ELOC: variants seen among roughly 807,000 people sequenced by gnomAD.
ELOC encodes elongin-C.
For missense variants in ELOC, 38 were observed against 139.0 expected (o/e 0.27, Z 3.65); for synonymous variants, 40 against 51.3 (o/e 0.78, Z 0.94).
chr8:73,961,330 A>G (rs1005355730), intron 1 of ELOC, among the ~76,000 whole-genome samples: 18 of 152,362 alleles, frequency 1.2e-4, no homozygotes, highest in African/African-American at 4.1e-4. Context: ...AAAATGAACC[A>G]TAACACTTCA....
intron 1 of ELOC, chr8:73,971,821 C>T (rs1287943821): frequency 1.3e-5 from 2 of 152,394 alleles, no homozygotes; most frequent in African/African-American, 4.8e-5. Flanking sequence ...CCGGAGAAGG[C>T]CCAGTCTCGC....
At chr8:73,956,482 G>C (rs2131116786) in intron 2 of ELOC, among the ~76,000 whole-genome samples, 1 of 152,278 alleles carries the variant, frequency 6.6e-6, no homozygotes, top group African/African-American at 2.4e-5. Context: ...TATTATAATA[G>C]TCACCAAGAC....
intron 3 of ELOC, among the ~76,000 whole-genome samples, chr8:73,947,919 C>T (rs1363175830): frequency 1.3e-5 from 2 of 151,958 alleles, no homozygotes; most frequent in African/African-American, 2.4e-5. Flanking sequence ...GAGGGCCGGG[C>T]GGGGTGGCTC....
chr8:73,955,218 C>G (rs746193360), intron 3 of ELOC, among the ~76,000 whole-genome samples: 4 of 152,128 alleles, frequency 2.6e-5, no homozygotes, highest in Non-Finnish European at 5.9e-5. Context: ...CCTGTAATCC[C>G]CGCACTTTGC....
At chr8:73,967,335 T>C (rs995569697) in intron 1 of ELOC, among the ~76,000 whole-genome samples, 1 of 152,130 alleles carries the variant, frequency 6.6e-6, no homozygotes, top group Non-Finnish European at 1.5e-5. Flanking sequence ...AAGGTCTCTG[T>C]TACAACTACT....
chr8:73,965,037 A>AT (rs1489072002), intron 1 of ELOC, among the ~76,000 whole-genome samples: 1 of 39,734 alleles, frequency 2.5e-5, no homozygotes. Context: ...AAAACAAACC[A>AT]AAAAAAAAAA....
chr8:73,967,288 G>A (rs765016917), intron 1 of ELOC, among the ~76,000 whole-genome samples: 65 of 152,034 alleles, frequency 4.3e-4, no homozygotes, highest in Non-Finnish European at 8.5e-4. Flanking sequence ...ACACACTAAA[G>A]GGCCAAAAAA....
At chr8:73,965,230 A>G (rs567341563) in intron 1 of ELOC, among the ~76,000 whole-genome samples, 7 of 152,328 alleles carry the variant, frequency 4.6e-5, no homozygotes, top group African/African-American at 1.4e-4. Flanking sequence ...TGAACACATT[A>G]AAAAGTGCTC....
chr8:73,948,497 G>A (rs1476345931), intron 3 of ELOC, among the ~76,000 whole-genome samples: 2 of 152,166 alleles, frequency 1.3e-5, no homozygotes, highest in African/African-American at 4.8e-5. Flanking sequence ...CTGAATCCAG[G>A]AGGTGGAAGT....
chr8:73,957,786 ATTTATT>A (rs1414935052), intron 2 of ELOC, among the ~76,000 whole-genome samples: 1 of 152,020 alleles, frequency 6.6e-6, no homozygotes, highest in Non-Finnish European at 1.5e-5. Context: ...CTATTTGTTT[ATTTATT>A]TTTATTTTTT....
At chr8:73,959,274 T>C (rs763089293) in intron 2 of ELOC, among the ~76,000 whole-genome samples, 4 of 152,274 alleles carry the variant, frequency 2.6e-5, no homozygotes, top group Admixed American at 1.3e-4. Flanking sequence ...CGTGCAATCA[T>C]AGCTTATTTC....
intron 1 of ELOC, among the ~76,000 whole-genome samples, chr8:73,961,964 T>C: frequency 6.6e-6 from 1 of 152,120 alleles, no homozygotes. Context: ...GGCGTGATCT[T>C]GGCTCACTGC....
chr8:73,962,296 A>C (rs1194701049), intron 1 of ELOC, among the ~76,000 whole-genome samples: 2 of 152,238 alleles, frequency 1.3e-5, no homozygotes, highest in African/African-American at 2.4e-5. Flanking sequence ...TCTACAGCTT[A>C]AGTGGCAGCG....
chr8:73,965,681 C>T (rs759173341), intron 1 of ELOC, among the ~76,000 whole-genome samples: 16 of 152,138 alleles, frequency 1.1e-4, no homozygotes, highest in Admixed American at 2.6e-4. Context: ...TAGCATTTCA[C>T]TGTATGTAGG....
intron 3 of ELOC, among the ~76,000 whole-genome samples, chr8:73,950,255 G>A (rs541547958): frequency 3.5e-4 from 53 of 152,198 alleles, no homozygotes; most frequent in African/African-American, 9.6e-4. Context: ...TAAAAATGAA[G>A]CAAATGGAAC....
rs937411411 is a variant in ELOC at position 73,966,645 on chromosome 8, T to C, written c.-51+5432A>G. On this transcript the variant is annotated intron_variant, in intron 1 of 3. Transcript: ENST00000520242. ...TACCAAGCCCGGCTAAAATTTCTTTTTTTTTTTTTTTTAAGTGGAGGTCTC... is the reference window on the plus strand; with the variant it reads ...TACCAAGCCCGGCTAAAATTTCTTTCTTTTTTTTTTTTAAGTGGAGGTCTC... Among the ~76,000 whole-genome samples, 12 of 151,192 alleles carry C rather than the reference T, an allele frequency of 7.9e-5. 1 individual carries two copies. Among genetic ancestry groups the C allele is most frequent in the African/African-American group, 2.4e-4 (10 of 41,324 alleles).
chr8:73,953,452 G>A (rs1374263424), intron 3 of ELOC, among the ~76,000 whole-genome samples: 6 of 152,028 alleles, frequency 3.9e-5, no homozygotes, highest in South Asian at 4.1e-4. Context: ...TGAGGCGGGC[G>A]GGTCACCTGA....
chr8:73,970,878 A>C (rs940631712), intron 1 of ELOC, among the ~76,000 whole-genome samples: 1 of 148,526 alleles, frequency 6.7e-6, no homozygotes. Context: ...ACAAAAAAAA[A>C]ACAAAATTAG....
rs910386579 is a variant in ELOC, at chr8:73,972,127, C to T, written c.-101G>A. 1.3e-5 allele frequency: 2 copies of T among 152,600 alleles called. No individual in the cohort carries two copies. The highest frequency in any genetic ancestry group is 2.4e-5 in the African/African-American group (1 of 41,478). 9.5% of individuals were successfully genotyped at this position (152,600 alleles called of 1,614,324 possible). A position where few individuals can be genotyped will look rare whatever the true frequency, so the allele number is the denominator to read the frequency against. On this transcript the variant is annotated 5_prime_UTR_variant, in exon 1 of 4. Coordinates refer to ENST00000520242, the MANE Select transcript of ELOC (RefSeq NM_005648.4). ...CGGGTCCCCGCGTACTGCCACAGCC[C>T]CTATCCCAGGGCCGCCCCCCCACCC...
Sources: gnomAD v4.1 joint callset for allele counts (sites outside exome capture counted in the v4.1 genomes callset) on GRCh38, gnomAD v4.1.1 for gene constraint, MANE v1.5 for transcripts, NCBI Gene and HGNC (gene_info 2026-07-23, HGNC 2026-07-21) for gene names.